The following NRG3 variants were observed in gnomAD, a reference collection of about 807,000 sequenced individuals.
NRG3 encodes neuregulin 3.
A neutral mutation model predicts 66.9 loss-of-function variants in NRG3; 31 were observed. The ratio of observed to expected loss-of-function variants is 0.46; its 90% CI spans 0.35 to 0.63. NRG3 has a LOEUF of 0.63. Ranked by LOEUF, NRG3 falls within the 20% of genes least tolerant of loss-of-function variation. The pLI is 0.00. For missense variants in NRG3, 910 were observed against 878.9 expected (o/e 1.04, Z -0.45); for synonymous variants, 393 against 359.4 (o/e 1.09, Z -1.06).
Position 82,442,784 on chromosome 10 carries a change from ATTTT to A in NRG3, c.953+83944_953+83947del, listed in dbSNP as rs61261285. Among the ~76,000 whole-genome samples, 396 of 54,232 alleles carry A rather than the reference ATTTT, an allele frequency of 7.3e-3. 6 individuals carry two copies. The highest frequency in any genetic ancestry group is 0.05 in the East Asian group (87 of 1,746). The allele number at this position is 54,232 out of a possible 152,430, so 35.6% of individuals were successfully genotyped here. ...CACCAAAGATCTTATTTCTGTGTGG[ATTTT>A]TTTTTTTTTTTTTTTTTTTTTTTTT... is the stretch of plus-strand genomic sequence containing the variant. On this transcript the variant is annotated intron_variant, in intron 2 of 8. Transcript: ENST00000372141.
chr10:82,970,378 C>T lies in NRG3; in HGVS notation c.1285-3410C>T, dbSNP rs561794975. Among the ~76,000 whole-genome samples, 8 of 152,256 alleles carry T rather than the reference C, an allele frequency of 5.3e-5. No individual in the cohort carries two copies. In the East Asian group the frequency reaches 1.4e-3, roughly 26 times the overall value. ...CAATAGCTAATCACATAGCACACTACAGTCTCTAACTCCTGGGCTCAAATG... is the reference window on the plus strand; with the variant it reads ...CAATAGCTAATCACATAGCACACTATAGTCTCTAACTCCTGGGCTCAAATG... On this transcript the variant is annotated intron_variant, in intron 6 of 8. Coordinates refer to ENST00000372141, the MANE Select transcript of NRG3 (RefSeq NM_001010848.4).
chr10:82,615,547 G>GT (rs1310750913), intron 2 of NRG3, among the ~76,000 whole-genome samples: 1 of 152,058 alleles, frequency 6.6e-6, no homozygotes, highest in Non-Finnish European at 1.5e-5. Flanking sequence ...CACGTGGAAT[G>GT]TTTTTTAAAA....
chr10:82,865,743 T>C (rs1263436815), intron 4 of NRG3, among the ~76,000 whole-genome samples: 2 of 152,184 alleles, frequency 1.3e-5, no homozygotes, highest in Non-Finnish European at 1.5e-5. Flanking sequence ...GGGATAATAA[T>C]AGGTTCTATT....
At chr10:82,847,493 CT>C (rs2063358151) in intron 3 of NRG3, among the ~76,000 whole-genome samples, 1 of 152,140 alleles carries the variant, frequency 6.6e-6, no homozygotes, top group South Asian at 2.1e-4. Flanking sequence ...AGTAACTTAT[CT>C]AAGGTCAAAC....
chr10:82,620,560 C>T (rs935351435), intron 2 of NRG3, among the ~76,000 whole-genome samples: 2 of 152,156 alleles, frequency 1.3e-5, no homozygotes, highest in African/African-American at 4.8e-5. Flanking sequence ...GCTTCTCTCT[C>T]TCTACCAAAT....
intron 1 of NRG3, among the ~76,000 whole-genome samples, chr10:82,285,614 CAT>C (rs1377040707): frequency 6.6e-6 from 1 of 152,082 alleles, no homozygotes; most frequent in Non-Finnish European, 1.5e-5. Flanking sequence ...TTTCTTGTCA[CAT>C]GAAAGTACAG....
chr10:81,966,863 G>A (rs1282548834), intron 1 of NRG3, among the ~76,000 whole-genome samples: 1 of 152,006 alleles, frequency 6.6e-6, no homozygotes, highest in Non-Finnish European at 1.5e-5. Context: ...GCAAGTAATA[G>A]TTTAATAAAA....
intron 1 of NRG3, among the ~76,000 whole-genome samples, chr10:82,271,983 A>T (rs896429558): frequency 6.6e-6 from 1 of 152,108 alleles, no homozygotes; most frequent in African/African-American, 2.4e-5. Context: ...ATAACTGTGT[A>T]CAAAACATAT....
chr10:82,026,027 G>T (rs978479294), intron 1 of NRG3, among the ~76,000 whole-genome samples: 1 of 151,954 alleles, frequency 6.6e-6, no homozygotes, highest in African/African-American at 2.4e-5. Flanking sequence ...TGGCATGTGG[G>T]TTCCAGAAAA....
chr10:82,815,079 C>T (rs149119274), intron 3 of NRG3, among the ~76,000 whole-genome samples: 1 of 152,310 alleles, frequency 6.6e-6, no homozygotes, highest in East Asian at 1.9e-4. Context: ...TCGCCGTCCT[C>T]CTGGTTTAAA....
intron 2 of NRG3, among the ~76,000 whole-genome samples, chr10:82,588,096 C>T (rs960379308): frequency 6.6e-6 from 1 of 152,030 alleles, no homozygotes; most frequent in Non-Finnish European, 1.5e-5. Flanking sequence ...CACAGGCCTA[C>T]CCAGGACCTC....
At chr10:82,315,180 A>G (rs1026763255) in intron 1 of NRG3, among the ~76,000 whole-genome samples, 3 of 152,190 alleles carry the variant, frequency 2.0e-5, no homozygotes, top group African/African-American at 7.2e-5. Context: ...TTTCAAAGAA[A>G]GGCAGTGCAA....
intron 1 of NRG3, among the ~76,000 whole-genome samples, chr10:81,970,040 C>T (rs1204047281): frequency 6.6e-6 from 1 of 152,072 alleles, no homozygotes; most frequent in Non-Finnish European, 1.5e-5. Context: ...TCAATAAAAA[C>T]CTGTTTCTTA....
chr10:82,362,547 G>GTTTTTTTTTT (rs1564840163), intron 2 of NRG3, among the ~76,000 whole-genome samples: 1 of 47,268 alleles, frequency 2.1e-5, no homozygotes, highest in African/African-American at 2.7e-4. Context: ...ATAATTTCTG[G>GTTTTTTTTTT]GTTTTTTTTT....
intron 6 of NRG3, 64 bp from the exon 7 acceptor site, chr10:82,973,724 C>T: frequency 6.3e-7 from 1 of 1,580,694 alleles, no homozygotes; most frequent in Non-Finnish European, 8.7e-7. Flanking sequence ...ATGCTTAGCT[C>T]TGGTGTTATA....
chr10:82,170,005 T>C (rs1003393257), intron 1 of NRG3, among the ~76,000 whole-genome samples: 8 of 151,886 alleles, frequency 5.3e-5, no homozygotes, highest in African/African-American at 1.9e-4. Context: ...GTTTTTTTTT[T>C]TTTGATAGAC....
At chr10:82,304,361 G>A (rs2080587993) in intron 1 of NRG3, among the ~76,000 whole-genome samples, 1 of 151,988 alleles carries the variant, frequency 6.6e-6, no homozygotes, top group African/African-American at 2.4e-5. Flanking sequence ...TGTTTTCCGG[G>A]AGCACTTGAC....
At chr10:82,083,861 C>T (rs11596103) in intron 1 of NRG3, among the ~76,000 whole-genome samples, 9,219 of 151,688 alleles carry the variant, frequency 0.061, 426 homozygotes, top group East Asian at 0.24. Context: ...AGGTGATCCA[C>T]CTGCCTTGGC....
At chr10:81,930,373 A>G (rs866362910) in intron 1 of NRG3, among the ~76,000 whole-genome samples, 3 of 152,176 alleles carry the variant, frequency 2.0e-5, no homozygotes, top group African/African-American at 4.8e-5. Context: ...GGAAAGCATT[A>G]TACTTACAGT....
Sources: gnomAD v4.1 joint callset for allele counts (sites outside exome capture counted in the v4.1 genomes callset) on GRCh38, gnomAD v4.1.1 for gene constraint, MANE v1.5 for transcripts, NCBI Gene and HGNC (gene_info 2026-07-23, HGNC 2026-07-21) for gene names.